ZNF804A: variants seen among roughly 807,000 people sequenced by gnomAD.
ZNF804A encodes zinc finger protein 804A.
A neutral mutation model predicts 16.5 loss-of-function variants in ZNF804A; 2 were observed. The ratio of observed to expected loss-of-function variants is 0.12; its 90% CI spans 0.05 to 0.38. ZNF804A has a LOEUF of 0.38. Among genes scored for constraint, ZNF804A ranks in the 10% least tolerant of loss-of-function variants. The pLI, the probability that ZNF804A is intolerant of heterozygous loss-of-function variation, is 0.99. For synonymous variants in ZNF804A, 534 were observed against 489.6 expected, an observed-to-expected ratio of 1.09 and a Z score of -1.20; for missense variants, 1,473 against 1,390.7, an observed-to-expected ratio of 1.06 and a Z score of -0.94.
At chr2:184,933,143 G>GCACA (rs35560626) in intron 2 of ZNF804A, among the ~76,000 whole-genome samples, 10 of 148,384 alleles carry the variant, frequency 6.7e-5, no homozygotes, top group South Asian at 6.4e-4. Context: ...ACACACACAC[G>GCACA]CACACACACA....
chr2:184,919,831 G>A (rs905803749), intron 2 of ZNF804A, among the ~76,000 whole-genome samples: 9 of 152,104 alleles, frequency 5.9e-5, no homozygotes, highest in Non-Finnish European at 1.0e-4. Flanking sequence ...AAAAAGAACT[G>A]TAGGCTGGTC....
At position 184,598,866 on chromosome 2, in the gene ZNF804A, T is replaced by C. The variant is rs553093805; in HGVS notation, c.-94T>C. On this transcript the variant is annotated 5_prime_UTR_variant, in exon 1 of 4. Transcript: ENST00000302277. ...GTGGCTGCGTGCCCTCGTGGCGGGT[T>C]CCCAGCCCACCGTCGCCGGCCCCGG... is the stretch of plus-strand genomic sequence containing the variant. 285 of 691,848 alleles carry C rather than the reference T, an allele frequency of 4.1e-4. 1 individual carries two copies. In the African/African-American group the frequency reaches 5.2e-3, roughly 13 times the overall value. The allele number at this position is 691,848 out of a possible 1,614,324, so 42.9% of individuals were successfully genotyped here. A position where few individuals can be genotyped will look rare whatever the true frequency, so the allele number is the denominator to read the frequency against.
At chr2:184,841,419 TA>T (rs1197851178) in intron 1 of ZNF804A, among the ~76,000 whole-genome samples, 2 of 152,194 alleles carry the variant, frequency 1.3e-5, no homozygotes, top group Non-Finnish European at 2.9e-5. Flanking sequence ...ATAAATATTT[TA>T]AAACCTCATA....
chr2:184,619,914 C>T (rs1482919438), intron 1 of ZNF804A, among the ~76,000 whole-genome samples: 1 of 151,786 alleles, frequency 6.6e-6, no homozygotes, highest in East Asian at 1.9e-4. Flanking sequence ...CCCTTAAAAA[C>T]AATTTATGAT....
chr2:184,927,330 C>T (rs1488509684), intron 2 of ZNF804A, among the ~76,000 whole-genome samples: 1 of 152,236 alleles, frequency 6.6e-6, no homozygotes, highest in Non-Finnish European at 1.5e-5. Context: ...TTTTCCCTTA[C>T]TTTCTTCCAA....
At chr2:184,794,164 T>A (rs1366339407) in intron 1 of ZNF804A, among the ~76,000 whole-genome samples, 3 of 152,152 alleles carry the variant, frequency 2.0e-5, no homozygotes, top group African/African-American at 7.2e-5. Context: ...TCCATAGCGG[T>A]TGTACTAGTT....
At chr2:184,816,379 C>T (rs1156378952) in intron 1 of ZNF804A, among the ~76,000 whole-genome samples, 1 of 151,866 alleles carries the variant, frequency 6.6e-6, no homozygotes, top group South Asian at 2.1e-4. Context: ...TTTTATCCTT[C>T]GAGGGGCTGT....
At chr2:184,666,580 G>A (rs1692259119) in intron 1 of ZNF804A, among the ~76,000 whole-genome samples, 1 of 151,910 alleles carries the variant, frequency 6.6e-6, no homozygotes, top group Admixed American at 6.6e-5. Flanking sequence ...TGATTTTGTG[G>A]TCACTTTGTC....
chr2:184,866,603 T>C (rs1695880527), intron 2 of ZNF804A, 91 bp downstream of exon 2: 2 of 1,111,934 alleles, frequency 1.8e-6, no homozygotes, highest in African/African-American at 1.7e-5. Context: ...ATGATATTCT[T>C]ATTTAATTTA....
At chr2:184,758,491 T>G (rs139978770) in intron 1 of ZNF804A, among the ~76,000 whole-genome samples, 1 of 151,958 alleles carries the variant, frequency 6.6e-6, no homozygotes, top group African/African-American at 2.4e-5. Flanking sequence ...TAAGGCATAG[T>G]TCCCAAGGTT....
At chr2:184,726,202 A>G (rs1026279951) in intron 1 of ZNF804A, among the ~76,000 whole-genome samples, 2 of 151,652 alleles carry the variant, frequency 1.3e-5, no homozygotes, top group African/African-American at 4.8e-5. Context: ...GAGTTTTAAG[A>G]ATCTTCCCAT....
chr2:184,692,559 C>T (rs1479515428), intron 1 of ZNF804A, among the ~76,000 whole-genome samples: 2 of 152,120 alleles, frequency 1.3e-5, no homozygotes, highest in Admixed American at 6.5e-5. Flanking sequence ...TGTGGCAGCC[C>T]CCAGGATTTA....
rs184643527 is a variant in ZNF804A at position 184,633,353 on chromosome 2, T to C, written c.111+34283T>C. Among the ~76,000 whole-genome samples, 488 of 152,288 alleles carry C rather than the reference T, an allele frequency of 3.2e-3. 3 individuals carry two copies. Among genetic ancestry groups the C allele is most frequent in the African/African-American group, 0.01 (425 of 41,556 alleles). ...TTACTAGTCTCTGTAACAGATTCTTTTGGGATTTTTTTAAATAAAAAGTAG... is the reference window on the plus strand; with the variant it reads ...TTACTAGTCTCTGTAACAGATTCTTCTGGGATTTTTTTAAATAAAAAGTAG... On this transcript the variant is annotated intron_variant, in intron 1 of 3. Transcript: ENST00000302277.
In ZNF804A at chr2:184,939,280, A is replaced by G. The variant is rs1434852546; in HGVS notation, c.*254A>G. The G allele has an allele frequency of 2.9e-5, 11 of 374,440 alleles. No individual in the cohort carries two copies. The highest frequency in any genetic ancestry group is 5.3e-5 in the Non-Finnish European group (11 of 207,722). The allele number at this position is 374,440 out of a possible 1,614,324, so 23.2% of individuals were successfully genotyped here. On this transcript the variant is annotated 3_prime_UTR_variant, in exon 4 of 4. Transcript: ENST00000302277. ...ATGCTATATATTAAAATGATGTCTT[A>G]AGAGTATGTATAATGTACATAAAAT...
chr2:184,602,395 T>C (rs571688529), intron 1 of ZNF804A, among the ~76,000 whole-genome samples: 1 of 152,106 alleles, frequency 6.6e-6, no homozygotes, highest in East Asian at 1.9e-4. Context: ...AGAACATTTC[T>C]GGATAAGTTA....
intron 1 of ZNF804A, among the ~76,000 whole-genome samples, chr2:184,665,856 T>G (rs1010406904): frequency 6.6e-6 from 1 of 152,202 alleles, no homozygotes; most frequent in East Asian, 1.9e-4. Flanking sequence ...TGAGTCCCTC[T>G]TGTACTTTGA....
intron 1 of ZNF804A, among the ~76,000 whole-genome samples, chr2:184,829,922 ACAAAAAC>A (rs1558974946): frequency 0.017 from 1,578 of 92,048 alleles, 121 homozygotes; most frequent in African/African-American, 0.035. Context: ...AAAAAAAAAA[ACAAAAAC>A]AAAAAAAAAA....
intron 1 of ZNF804A, among the ~76,000 whole-genome samples, chr2:184,753,260 T>C (rs1693902961): frequency 2.0e-5 from 3 of 151,566 alleles, no homozygotes; most frequent in Non-Finnish European, 1.5e-5. Context: ...AAAATGAGGC[T>C]GGGGGGCGTT....
chr2:184,902,875 T>C (rs1685209254), intron 2 of ZNF804A, among the ~76,000 whole-genome samples: 1 of 152,226 alleles, frequency 6.6e-6, no homozygotes, highest in Non-Finnish European at 1.5e-5. Flanking sequence ...ATACTTTGCC[T>C]AAGATACTGC....
Sources: allele counts gnomAD v4.1 joint callset (sites outside exome capture counted in the v4.1 genomes callset), GRCh38; gene constraint gnomAD v4.1.1; transcripts MANE v1.5; gene names NCBI Gene and HGNC (gene_info 2026-07-23, HGNC 2026-07-21).